Variants in KRT23 observed in about 807,000 individuals in gnomAD.
KRT23 encodes the protein keratin, type I cytoskeletal 23.
KRT23 carries 38 observed loss-of-function variants against 47.6 expected under a neutral mutation model. The observed-to-expected ratio is 0.80, with a 90% CI of 0.62 to 1.05. KRT23 has a LOEUF of 1.05. Ranked by LOEUF, KRT23 falls within the 50% of genes least tolerant of loss-of-function variation. The probability of loss-of-function intolerance (pLI) is 0.00; values close to 1 mark genes in which losing one functional copy is unlikely to be tolerated. For synonymous variants in KRT23, 191 were observed against 199.0 expected (o/e 0.96, Z 0.34); for missense variants, 503 against 529.5 (o/e 0.95, Z 0.49).
chr17:40,929,027 C>CAA (rs3067615), intron 4 of KRT23, among the ~76,000 whole-genome samples: 16,688 of 63,670 alleles, frequency 0.26, 1,745 homozygotes, highest in South Asian at 0.39. Context: ...ACCCTGTCTC[C>CAA]AAAAAAAAAA....
intron 6 of KRT23, 52 bp downstream of exon 6, chr17:40,928,186 G>A (rs1021827034): frequency 1.9e-6 from 3 of 1,610,828 alleles, no homozygotes; most frequent in Non-Finnish European, 2.5e-6. Flanking sequence ...GTCTCAGAAG[G>A]CTTCGTGAAG....
intron 6 of KRT23, among the ~76,000 whole-genome samples, chr17:40,926,853 G>A (rs939808313): frequency 6.6e-6 from 1 of 151,962 alleles, no homozygotes; most frequent in African/African-American, 2.4e-5. Context: ...GTTCTGTTGG[G>A]ACTCCGCGGC....
At chr17:40,926,714 T>C (rs1394082773) in intron 6 of KRT23, among the ~76,000 whole-genome samples, 3 of 152,182 alleles carry the variant, frequency 2.0e-5, no homozygotes, top group Non-Finnish European at 4.4e-5. Flanking sequence ...TAAACCCATA[T>C]CTACCTTCAG....
intron 2 of KRT23, among the ~76,000 whole-genome samples, chr17:40,935,552 A>T (rs1283492233): frequency 6.6e-6 from 1 of 152,182 alleles, no homozygotes; most frequent in Non-Finnish European, 1.5e-5. Context: ...TCTAAAAATT[A>T]TGCTCATTTT....
chr17:40,927,386 T>C (rs1909293530), intron 6 of KRT23, among the ~76,000 whole-genome samples: 5 of 152,222 alleles, frequency 3.3e-5, no homozygotes. Context: ...TGCACTATAA[T>C]TATTTTTGTA....
chr17:40,935,679 C>T (rs1910013172), intron 2 of KRT23, among the ~76,000 whole-genome samples: 2 of 152,172 alleles, frequency 1.3e-5, no homozygotes, highest in Non-Finnish European at 2.9e-5. Context: ...GGTGTGGTGA[C>T]AACTTTTAGG....
At chr17:40,925,645 T>G (rs1290601317) in intron 6 of KRT23, 71 bp from the exon 7 acceptor site, 11 of 1,176,194 alleles carry the variant, frequency 9.4e-6, no homozygotes, top group Non-Finnish European at 1.4e-5. Flanking sequence ...GATTGTTGAG[T>G]ACTTAGCAGA....
chr17:40,927,853 G>A (rs749025691), intron 6 of KRT23, among the ~76,000 whole-genome samples: 3 of 152,062 alleles, frequency 2.0e-5, no homozygotes, highest in Non-Finnish European at 2.9e-5. Context: ...AATTATGGGG[G>A]TCTAGAATCC....
chr17:40,931,318 CT>C, intron 3 of KRT23, 54 bp downstream of exon 3: 1 of 1,413,538 alleles, frequency 7.1e-7, no homozygotes, highest in African/African-American at 1.4e-5. Context: ...CCGAGTTTTC[CT>C]TTTGTAAAGC....
chr17:40,925,657 G>T, intron 6 of KRT23, 83 bp from the exon 7 acceptor site: 1 of 1,043,488 alleles, frequency 9.6e-7, no homozygotes, highest in Non-Finnish European at 1.4e-6. Flanking sequence ...CTTAGCAGAT[G>T]TCGACCAGTT....
intron 2 of KRT23, among the ~76,000 whole-genome samples, chr17:40,931,925 A>G (rs1687809254): frequency 6.6e-6 from 1 of 152,196 alleles, no homozygotes; most frequent in Non-Finnish European, 1.5e-5. Context: ...TTTTGCCATT[A>G]CTTTTAATTA....
chr17:40,936,647 C>G lies in KRT23; in HGVS notation c.-44G>C, dbSNP rs1334134143. ...GACGGGGCTGAGCTCTGCTCCACTC[C>G]CTGGCACCGCAGAACTGAGCCGCCC... On this transcript the variant is annotated 5_prime_UTR_variant, in exon 2 of 9. Transcript: ENST00000209718. 9 of 1,479,788 alleles carry G rather than the reference C, an allele frequency of 6.1e-6. No individual in the cohort carries two copies. The East Asian group carries it at 7.1e-5, about 12-fold the overall frequency. The allele number at this position is 1,479,788 out of a possible 1,614,324, so 91.7% of individuals were successfully genotyped here.
Position 40,936,367 on chromosome 17 carries a change from G to A in KRT23, c.237C>T (p.Leu79=). The A allele has an allele frequency of 1.2e-6, 2 of 1,614,220 alleles. No individual in the cohort carries two copies. Among genetic ancestry groups the A allele is most frequent in the East Asian group, 2.2e-5 (1 of 44,874 alleles). Residue 79 remains leucine, a synonymous_variant, in exon 2 of 9, where the codon CTC becomes CTT. Coordinates refer to ENST00000209718, the MANE Select transcript of KRT23 (RefSeq NM_015515.5). ...CCAGGTAGGAGGCCAGGCGGTCGTT[G>A]AGATTCTGCATGGTGGCCTTCCCAT... is the stretch of plus-strand genomic sequence containing the variant. ...GGNGKATMQN[L]NDRLASYLEK...
At chr17:40,928,034 C>A (rs1317974455) in intron 6 of KRT23, among the ~76,000 whole-genome samples, 2 of 152,120 alleles carry the variant, frequency 1.3e-5, no homozygotes, top group Non-Finnish European at 2.9e-5. Context: ...ATATCATGAA[C>A]TACTTAGCAC....
In KRT23 at chr17:40,936,373, C is replaced by G; in HGVS notation, c.231G>C (p.Gln77His). The change falls in exon 2 of 9, where the codon CAG (glutamine) becomes CAC (histidine). Residue 77 changes from glutamine (Q) to histidine (H), a missense_variant. Coordinates refer to ENST00000209718, the MANE Select transcript of KRT23 (RefSeq NM_015515.5). ...AGGAGGCCAGGCGGTCGTTGAGATT[C>G]TGCATGGTGGCCTTCCCATTTCCGC... ...LLGGNGKATM[Q>H]NLNDRLASYL... 3 of 1,614,202 alleles carry G rather than the reference C, an allele frequency of 1.9e-6. No individual in the cohort carries two copies. The highest frequency in any genetic ancestry group is 2.5e-6 in the Non-Finnish European group (3 of 1,180,038).
chr17:40,929,899 A>C, intron 4 of KRT23, 41 bp downstream of exon 4: 3 of 1,599,182 alleles, frequency 1.9e-6, no homozygotes, highest in Non-Finnish European at 2.6e-6. Context: ...TGTGCAGGCT[A>C]AGAGCTGTGC....
intron 6 of KRT23, 150 bp from the exon 7 acceptor site, chr17:40,925,724 AG>A (rs1197453096): frequency 3.0e-6 from 2 of 656,230 alleles, no homozygotes; most frequent in African/African-American, 3.6e-5. Flanking sequence ...GCTGACTTAC[AG>A]GTTTGGGACT....
In KRT23 at chr17:40,936,570, A is replaced by C. The variant is rs1207837935; in HGVS notation, c.34T>G (p.Ser12Ala). The change falls in exon 2 of 9, where the codon TCG (serine) becomes GCG (alanine). Residue 12 changes from serine (S) to alanine (A), a missense_variant. Transcript: ENST00000209718. ...NSGHSFSQTP[S>A]ASFHGAGGGW... Reference sequence around the variant, plus strand: ...CCTCCGGCGCCATGGAAGGAGGCCGAGGGGGTCTGGCTGAAGCTGTGTCCG... The same window carrying C: ...CCTCCGGCGCCATGGAAGGAGGCCGCGGGGGTCTGGCTGAAGCTGTGTCCG... 6.6e-7 allele frequency: 1 copy of C among 1,519,606 alleles called. No individual in the cohort carries two copies. The highest frequency in any genetic ancestry group is 1.4e-5 in the African/African-American group (1 of 71,740). The allele number at this position is 1,519,606 out of a possible 1,614,324, so 94.1% of individuals were successfully genotyped here.
intron 8 of KRT23, among the ~76,000 whole-genome samples, chr17:40,924,264 T>G (rs1031048343): frequency 3.3e-5 from 5 of 152,224 alleles, no homozygotes; most frequent in African/African-American, 1.2e-4. Context: ...TTTAATTTTC[T>G]TTACTGCTTG....
Sources: gnomAD v4.1 joint callset for allele counts (sites outside exome capture counted in the v4.1 genomes callset) on GRCh38, gnomAD v4.1.1 for gene constraint, MANE v1.5 for transcripts, NCBI Gene and HGNC (gene_info 2026-07-23, HGNC 2026-07-21) for gene names.